The following G3BP1 variants were observed in gnomAD, a reference collection of about 807,000 sequenced individuals.
The protein encoded by G3BP1 is ras GTPase-activating protein-binding protein 1.
In G3BP1, 35 loss-of-function variants were observed where a neutral mutation model predicts 58.6. That is an observed-to-expected ratio of 0.60 (90% CI 0.46 to 0.79). The LOEUF is 0.79. G3BP1 is among the 30% of genes least tolerant of loss of function. The pLI, the probability that G3BP1 is intolerant of heterozygous loss-of-function variation, is 0.00. For missense variants in G3BP1, 523 were observed against 580.8 expected, an observed-to-expected ratio of 0.90 and a Z score of 1.02; for synonymous variants, 191 against 195.4, an observed-to-expected ratio of 0.98 and a Z score of 0.19.
intron 10 of G3BP1, 97 bp from the exon 11 acceptor site, chr5:151,800,663 G>A: frequency 1.3e-6 from 1 of 776,870 alleles, no homozygotes; most frequent in Non-Finnish European, 2.3e-6. Flanking sequence ...GTGCTCAGTA[G>A]TCACATGCAT....
At chr5:151,793,309 A>G (rs1762692488) in intron 4 of G3BP1, among the ~76,000 whole-genome samples, 2 of 152,000 alleles carry the variant, frequency 1.3e-5, no homozygotes, top group Non-Finnish European at 2.9e-5. Flanking sequence ...GGGTTTCACC[A>G]TATTGGCCAG....
At chr5:151,783,797 C>G (rs930785130) in intron 1 of G3BP1, among the ~76,000 whole-genome samples, 1 of 152,176 alleles carries the variant, frequency 6.6e-6, no homozygotes, top group African/African-American at 2.4e-5. Context: ...GAGTCACGCT[C>G]TGTCGCCCAG....
At chr5:151,782,702 C>T (rs1465300527) in intron 1 of G3BP1, among the ~76,000 whole-genome samples, 3 of 151,644 alleles carry the variant, frequency 2.0e-5, no homozygotes, top group Admixed American at 1.3e-4. Flanking sequence ...TCTTTTTTTT[C>T]CCCTCTGATA....
intron 4 of G3BP1, 144 bp downstream of exon 4, chr5:151,791,206 T>G: frequency 1.5e-6 from 1 of 657,010 alleles, no homozygotes; most frequent in Non-Finnish European, 2.7e-6. Context: ...ATATACTCCT[T>G]ACCTAGAGCA....
At chr5:151,784,514 GT>G (rs926458609) in intron 1 of G3BP1, among the ~76,000 whole-genome samples, 3 of 152,138 alleles carry the variant, frequency 2.0e-5, no homozygotes, top group Non-Finnish European at 4.4e-5. Flanking sequence ...CAGACATTAA[GT>G]TTTGGGGCTA....
Position 151,804,031 on chromosome 5 carries a change from TGGAGG to T in G3BP1, c.1342_1346del (p.Gly448HisfsTer59), listed in dbSNP as rs1762903125. 6.2e-7 allele frequency: 1 copy of T among 1,612,980 alleles called. No individual in the cohort carries two copies. ...GTGGTGGAATGAGAGGCCCTCCCCG[TGGAGG>T]CATGGTGCAGAAACCAGGATTTGGA... is the stretch of plus-strand genomic sequence containing the variant. On this transcript the variant is annotated frameshift_variant, in exon 12 of 12. Transcript: ENST00000356245. LOFTEE classifies it high-confidence loss of function.
At position 151,809,931 on chromosome 5, in the gene G3BP1, T is replaced by C. The variant is rs1321993075; in HGVS notation, c.*5840T>C. On this transcript the variant is annotated 3_prime_UTR_variant, in exon 12 of 12. Coordinates refer to ENST00000356245, the MANE Select transcript of G3BP1 (RefSeq NM_005754.3). ...GTGCTCCCCTCAGGGATGGGTTTAC[T>C]ACTAGCTGTCAGAAAGCTATTGGGT... 2.6e-5 allele frequency: 4 copies of C among 152,222 alleles called. No homozygotes were observed. Among genetic ancestry groups the C allele is most frequent in the Non-Finnish European group, 2.9e-5 (2 of 68,030 alleles). The allele number at this position is 152,222 out of a possible 1,614,324, so 9.4% of individuals were successfully genotyped here. A position where few individuals can be genotyped will look rare whatever the true frequency, so the allele number is the denominator to read the frequency against.
intron 7 of G3BP1, among the ~76,000 whole-genome samples, chr5:151,797,644 G>A (rs999720198): frequency 2.0e-5 from 3 of 152,148 alleles, no homozygotes; most frequent in Admixed American, 6.6e-5. Context: ...TCCCTTCCCC[G>A]AGGTAACTTG....
Position 151,807,585 on chromosome 5 carries a change from ATAATT to A in G3BP1, c.*3499_*3503del, listed in dbSNP as rs1383260747. 4.6e-5 allele frequency: 7 copies of A among 152,334 alleles called. No homozygotes were observed. Among genetic ancestry groups the A allele is most frequent in the South Asian group, 4.1e-4 (2 of 4,830 alleles). The allele number at this position is 152,334 out of a possible 1,614,324, so 9.4% of individuals were successfully genotyped here. A position where few individuals can be genotyped will look rare whatever the true frequency, so the allele number is the denominator to read the frequency against. On this transcript the variant is annotated 3_prime_UTR_variant, in exon 12 of 12. Transcript: ENST00000356245. ...TTTAAGTTTTTTCTCATCAGGTTTG[ATAATT>A]TAATGCAAACTTCAAATCTGGATGT... is the stretch of plus-strand genomic sequence containing the variant.
intron 1 of G3BP1, among the ~76,000 whole-genome samples, chr5:151,773,571 C>T (rs901277146): frequency 3.3e-5 from 5 of 152,168 alleles, no homozygotes; most frequent in African/African-American, 1.2e-4. Context: ...AGCCAACATA[C>T]TCCTTGGCTT....
chr5:151,776,173 G>C (rs1297566179), intron 1 of G3BP1, among the ~76,000 whole-genome samples: 1 of 152,142 alleles, frequency 6.6e-6, no homozygotes, highest in East Asian at 1.9e-4. Flanking sequence ...ATTTGGATTT[G>C]ATGTTAAGGA....
chr5:151,774,113 C>CTTGG (rs1477657796), intron 1 of G3BP1, among the ~76,000 whole-genome samples: 11 of 152,172 alleles, frequency 7.2e-5, no homozygotes, highest in Non-Finnish European at 1.3e-4. Context: ...TAATGTAAGG[C>CTTGG]TTGGCAAGGC....
chr5:151,788,572 ATGTGTGTGTGTGTGTG>A (rs10634385), intron 2 of G3BP1, among the ~76,000 whole-genome samples: 1 of 133,238 alleles, frequency 7.5e-6, no homozygotes, highest in Admixed American at 7.6e-5. Context: ...CTAAGTTTAT[ATGTGTGTGTGTGTGTG>A]TGTGTGTGTG....
chr5:151,777,541 G>A (rs1762394465), intron 1 of G3BP1, among the ~76,000 whole-genome samples: 1 of 151,974 alleles, frequency 6.6e-6, no homozygotes, highest in South Asian at 2.1e-4. Flanking sequence ...GCTTTATTGA[G>A]GTATAATTGA....
rs553056334 is a variant in G3BP1 at position 151,801,888 on chromosome 5, C to A, written c.1194+1019C>A. On this transcript the variant is annotated intron_variant, in intron 11 of 11. Coordinates refer to ENST00000356245, the MANE Select transcript of G3BP1 (RefSeq NM_005754.3). ...GGAGTGCAATGGTGTGATCTTGGCT[C>A]ACTGCAACCTCCACATCCTGGGTTC... Among the ~76,000 whole-genome samples the A allele has an allele frequency of 5.5e-4, 84 of 151,640 alleles. No individual in the cohort carries two copies. The South Asian group carries it at 0.016, about 28-fold the overall frequency.
intron 11 of G3BP1, among the ~76,000 whole-genome samples, chr5:151,801,983 T>A (rs1762861312): frequency 6.6e-6 from 1 of 151,914 alleles, no homozygotes; most frequent in Non-Finnish European, 1.5e-5. Context: ...CCCAGCTGAT[T>A]TTTTTGTATT....
In G3BP1 at chr5:151,810,757, T is replaced by C. The variant is rs1222976139; in HGVS notation, c.*6666T>C. The C allele has an allele frequency of 6.6e-6, 1 of 152,100 alleles. No individual in the cohort carries two copies. Among genetic ancestry groups the C allele is most frequent in the Non-Finnish European group, 1.5e-5 (1 of 68,026 alleles). 9.4% of individuals were successfully genotyped at this position (152,100 alleles called of 1,614,324 possible). Reference sequence around the variant, plus strand: ...GTTTTCATTCCCAAGGGAGGCCATGTCTGGAGATAGACCTTGAATTTAATA... The same window carrying C: ...GTTTTCATTCCCAAGGGAGGCCATGCCTGGAGATAGACCTTGAATTTAATA... On this transcript the variant is annotated 3_prime_UTR_variant, in exon 12 of 12. Transcript: ENST00000356245.
intron 2 of G3BP1, among the ~76,000 whole-genome samples, chr5:151,789,941 A>C (rs1049311494): frequency 6.6e-6 from 1 of 152,066 alleles, no homozygotes; most frequent in African/African-American, 2.4e-5. Flanking sequence ...TTGGGAGGCC[A>C]AGGCAGGTAG....
intron 1 of G3BP1, among the ~76,000 whole-genome samples, chr5:151,786,332 A>G (rs1398604596): frequency 6.6e-6 from 1 of 152,184 alleles, no homozygotes; most frequent in Non-Finnish European, 1.5e-5. Context: ...TTGGAAATAT[A>G]TACCTTTGAG....
Sources: gnomAD v4.1 joint callset for allele counts (sites outside exome capture counted in the v4.1 genomes callset) on GRCh38, gnomAD v4.1.1 for gene constraint, MANE v1.5 for transcripts, NCBI Gene and HGNC (gene_info 2026-07-23, HGNC 2026-07-21) for gene names.